SRRM2: variants seen among roughly 807,000 people sequenced by gnomAD.
SRRM2 encodes serine/arginine repetitive matrix protein 2.
SRRM2 carries 30 observed loss-of-function variants against 213.8 expected under a neutral mutation model. That is an observed-to-expected ratio of 0.14 (90% CI 0.10 to 0.19). SRRM2 has a LOEUF of 0.19. Among genes scored for constraint, SRRM2 ranks in the 10% least tolerant of loss-of-function variants. The pLI, the probability that SRRM2 is intolerant of heterozygous loss-of-function variation, is 1.00. For missense variants in SRRM2, 4,904 were observed against 3,647.0 expected (o/e 1.34, Z -8.88); for synonymous variants, 2,025 against 1,377.7 (o/e 1.47, Z -10.40).
In SRRM2 at chr16:2,770,693, G is replaced by C. The variant is rs768373304; in HGVS notation, c.8225G>C (p.Arg2742Pro). The change falls in exon 14 of 15, where the codon CGG becomes CCG. Residue 2742 changes from arginine (R) to proline (P), a missense_variant. Transcript: ENST00000301740. ...HKRRRETPSP[R>P]PMRHRSSRSP Reference sequence around the variant, plus strand: ...CGCAGGAGGGAGACACCTAGCCCTCGGCCCATGAGACACCGCTCCTCCAGG... The same window carrying C: ...CGCAGGAGGGAGACACCTAGCCCTCCGCCCATGAGACACCGCTCCTCCAGG... 5.8e-6 allele frequency: 9 copies of C among 1,558,088 alleles called. No individual in the cohort carries two copies. Among genetic ancestry groups the C allele is most frequent in the Non-Finnish European group, 7.8e-6 (9 of 1,149,786 alleles).
rs1324064537 is a variant in SRRM2 at position 2,764,919 on chromosome 16, C to T, written c.4391C>T (p.Pro1464Leu). 2 of 1,614,170 alleles carry T rather than the reference C, an allele frequency of 1.2e-6. No individual in the cohort carries two copies. The highest frequency in any genetic ancestry group is 4.5e-5 in the East Asian group (2 of 44,884). Reference protein sequence around the residue: ...PSRHSLSGSSPGMKDIPRTPS... With the variant: ...PSRHSLSGSSLGMKDIPRTPS... The stretch of plus-strand genomic sequence containing the variant: ...AGGCACAGCCTGTCTGGGTCCTCTC[C>T]TGGAATGAAAGATATACCTAGAACG... The change falls in exon 11 of 15, where the codon CCT (proline) becomes CTT (leucine). Residue 1464 changes from proline (P) to leucine (L), a missense_variant. Transcript: ENST00000301740.
rs1213725896 is a variant in SRRM2, at chr16:2,764,416, A to G, written c.3888A>G (p.Val1296=). 4 of 1,613,332 alleles carry G rather than the reference A, an allele frequency of 2.5e-6. No homozygotes were observed. The highest frequency in any genetic ancestry group is 2.2e-5 in the East Asian group (1 of 44,890). Reference sequence around the variant, plus strand: ...AGTCACAGGCTTCTTTGGAAGCAGTAGAAGTCCCTTCAATGGCCTCATCTT... The same window carrying G: ...AGTCACAGGCTTCTTTGGAAGCAGTGGAAGTCCCTTCAATGGCCTCATCTT... The part of the protein sequence containing the change: ...QSQSQASLEA[V]EVPSMASSWG... The change falls in exon 11 of 15, where the codon GTA becomes GTG. Residue 1296 remains valine, a synonymous_variant. Coordinates refer to ENST00000301740, the MANE Select transcript of SRRM2 (RefSeq NM_016333.4).
At chr16:2,754,897 A>G (rs1056407198) in intron 1 of SRRM2, among the ~76,000 whole-genome samples, 1 of 152,194 alleles carries the variant, frequency 6.6e-6, no homozygotes, top group South Asian at 2.1e-4. Flanking sequence ...TCTGCTTTCA[A>G]TATTGGGTCT....
rs755886943 is a variant in SRRM2 at position 2,766,981 on chromosome 16, A to G, written c.6453A>G (p.Gln2151=). 1 of 1,614,084 alleles carries G rather than the reference A, an allele frequency of 6.2e-7. No homozygotes were observed. The highest frequency in any genetic ancestry group is 8.5e-7 in the Non-Finnish European group (1 of 1,180,016). Residue 2151 remains glutamine, a synonymous_variant, in exon 11 of 15, where the codon CAA becomes CAG. Coordinates refer to ENST00000301740, the MANE Select transcript of SRRM2 (RefSeq NM_016333.4). The surrounding 1 kb of genome is among the most constrained non-coding windows in gnomAD (Gnocchi z 7.0). ...SSRTPMSVLQ[Q]AGGSMMDGPG... ...GAACACCCATGTCTGTCCTGCAGCA[A>G]GCCGGCGGCTCCATGATGGATGGTC...
At chr16:2,757,659 G>T (rs2068193769) in intron 3 of SRRM2, 80 bp downstream of exon 3, 3 of 1,579,400 alleles carry the variant, frequency 1.9e-6, no homozygotes, top group Middle Eastern at 3.4e-4. Flanking sequence ...TCCTTACGTG[G>T]GACTTCCTCC....
At chr16:2,770,309 C>T (rs1043824866) in intron 12 of SRRM2, 43 bp from the exon 13 acceptor site, 1 of 1,526,210 alleles carries the variant, frequency 6.6e-7, no homozygotes, top group African/African-American at 1.4e-5. Flanking sequence ...GGCCCGTGTG[C>T]TTGAAAGGGT....
chr16:2,769,355 G>T (rs576321311), intron 12 of SRRM2, 71 bp downstream of exon 12: 8 of 1,496,982 alleles, frequency 5.3e-6, no homozygotes, highest in Admixed American at 2.3e-5. Context: ...GCCCTGGGGT[G>T]TGAGCTCCCC....
In SRRM2 at chr16:2,761,791, C is replaced by T. The variant is rs778398849; in HGVS notation, c.1263C>T (p.Ser421=). ...CCCAGTCTTCTTCCTCAGAGAGCAG[C>T]CCACCATCCCCTCAACCTACCAAAG... The part of the protein sequence containing the change: ...KLPQSSSSES[S]PPSPQPTKVS... Residue 421 remains serine, a synonymous_variant, in exon 11 of 15, where the codon AGC becomes AGT. Coordinates refer to ENST00000301740, the MANE Select transcript of SRRM2 (RefSeq NM_016333.4). 2.4e-5 allele frequency: 39 copies of T among 1,614,008 alleles called. No homozygotes were observed. Among genetic ancestry groups the T allele is most frequent in the Non-Finnish European group, 3.3e-5 (39 of 1,179,976 alleles).
intron 1 of SRRM2, among the ~76,000 whole-genome samples, chr16:2,754,467 T>C (rs2068071110): frequency 6.6e-6 from 1 of 152,134 alleles, no homozygotes; most frequent in Non-Finnish European, 1.5e-5. Context: ...AATTTTTGTA[T>C]TTTTGGTAGA....
chr16:2,761,712 C>T lies in SRRM2; in HGVS notation c.1184C>T (p.Ser395Phe). The T allele has an allele frequency of 6.2e-7, 1 of 1,606,840 alleles. No homozygotes were observed. The highest frequency in any genetic ancestry group is 1.1e-5 in the South Asian group (1 of 89,984). ...AGCCAGGAGCCAGTGAACCCCCCAT[C>T]TGAGGCCTCTCCAACTCGGGACCGT... ...PLSQEPVNPP[S>F]EASPTRDRSP... is the part of the protein sequence containing the mutation. The change falls in exon 11 of 15, where the codon TCT (serine) becomes TTT (phenylalanine). Residue 395 changes from serine (S) to phenylalanine (F), a missense_variant. Ser to Phe is a radical substitution (Grantham distance 155, BLOSUM62 -2). Transcript: ENST00000301740.
In SRRM2 at chr16:2,760,348, G is replaced by C. The variant is rs1439128266; in HGVS notation, c.881G>C (p.Arg294Pro). The C allele has an allele frequency of 6.2e-7, 1 of 1,614,024 alleles. No homozygotes were observed. Among genetic ancestry groups the C allele is most frequent in the South Asian group, 1.1e-5 (1 of 91,064 alleles). Residue 294 changes from arginine to proline, a missense_variant, in exon 10 of 15, where the codon CGA (arginine) becomes CCA (proline). Arg to Pro is a moderately radical substitution (Grantham distance 103). Coordinates refer to ENST00000301740, the MANE Select transcript of SRRM2 (RefSeq NM_016333.4). ...ACTCATACAACTGCCTTGGCTGGGCGAAGTCCTTCCCCTGCTTCAGGGCGA... is the reference window on the plus strand; with the variant it reads ...ACTCATACAACTGCCTTGGCTGGGCCAAGTCCTTCCCCTGCTTCAGGGCGA... ...AKTHTTALAG[R>P]SPSPASGRRG...
intron 11 of SRRM2, 151 bp from the exon 12 acceptor site, chr16:2,768,846 C>A (rs1469980874): frequency 1.3e-6 from 2 of 1,495,404 alleles, no homozygotes; most frequent in South Asian, 2.4e-5. Flanking sequence ...CGCACCACTG[C>A]TCTCCAGAGA....
At chr16:2,754,178 C>T (rs1356046615) in intron 1 of SRRM2, among the ~76,000 whole-genome samples, 4 of 152,148 alleles carry the variant, frequency 2.6e-5, no homozygotes, top group Non-Finnish European at 5.9e-5. Context: ...TTAACACACC[C>T]CTTAGATGCC....
rs1221983737 is a variant in SRRM2 at position 2,766,941 on chromosome 16, C to A, written c.6413C>A (p.Pro2138His). 6.2e-7 allele frequency: 1 copy of A among 1,614,016 alleles called. No homozygotes were observed. Among genetic ancestry groups the A allele is most frequent in the Non-Finnish European group, 8.5e-7 (1 of 1,180,032 alleles). Reference protein sequence around the residue: ...DRCRSPGMLEPLGSSRTPMSV... With the variant: ...DRCRSPGMLEHLGSSRTPMSV... Reference sequence around the variant, plus strand: ...TGCAGATCACCTGGAATGCTTGAACCCCTTGGCAGCTCTAGAACACCCATG... The same window carrying A: ...TGCAGATCACCTGGAATGCTTGAACACCTTGGCAGCTCTAGAACACCCATG... Residue 2138 changes from proline (P) to histidine (H), a missense_variant, in exon 11 of 15, where the codon CCC (proline) becomes CAC (histidine). Pro to His is a moderately conservative substitution (Grantham distance 77). Transcript: ENST00000301740. This position sits in a 1 kb window ranked among gnomAD's most constrained non-coding sequence, Gnocchi z 7.0.
In SRRM2 at chr16:2,763,780, A is replaced by G. The variant is rs2068446437; in HGVS notation, c.3252A>G (p.Pro1084=). The change falls in exon 11 of 15, where the codon CCA becomes CCG. Residue 1084 remains proline (P), a synonymous_variant. Coordinates refer to ENST00000301740, the MANE Select transcript of SRRM2 (RefSeq NM_016333.4). ...PEVRQSHSES[P]SLQSKSQTSP... ...TGAGACAGAGTCATTCAGAATCACC[A>G]TCTCTGCAGAGCAAATCTCAAACAT... The G allele has an allele frequency of 2.5e-6, 4 of 1,614,196 alleles. No homozygotes were observed. In the South Asian group the frequency reaches 4.4e-5, roughly 18 times the overall value.
At position 2,756,427 on chromosome 16, in the gene SRRM2, C is replaced by CAA; in HGVS notation, c.64_65dup (p.Asn22LysfsTer30). Reference sequence around the variant, plus strand: ...GCGGCACCAACGGCTACGTCCAGCGCAACCTGTCCCTGGTGCGGGGCCGCC... The same window carrying CAA: ...GCGGCACCAACGGCTACGTCCAGCGCAAAACCTGTCCCTGGTGCGGGGCCGCC... On this transcript the variant is annotated frameshift_variant, in exon 2 of 15. Coordinates refer to ENST00000301740, the MANE Select transcript of SRRM2 (RefSeq NM_016333.4). LOFTEE classifies it high-confidence loss of function. 6.2e-7 allele frequency: 1 copy of CAA among 1,612,108 alleles called. No individual in the cohort carries two copies. The highest frequency in any genetic ancestry group is 1.3e-5 in the African/African-American group (1 of 75,012).
rs377144401 is a variant in SRRM2 at position 2,768,166 on chromosome 16, A to T, written c.7638A>T (p.Ser2546=). The change falls in exon 11 of 15, where the codon TCA becomes TCT. Residue 2546 remains serine (S), a synonymous_variant. Coordinates refer to ENST00000301740, the MANE Select transcript of SRRM2 (RefSeq NM_016333.4). Reference sequence around the variant, plus strand: ...CGTCCTCTAGCTCCTCCTCTTCTTCATCATCGTCGTCGTCGTCCTCCTCCT... The same window carrying T: ...CGTCCTCTAGCTCCTCCTCTTCTTCTTCATCGTCGTCGTCGTCCTCCTCCT... ...SSSSSSSSSS[S]SSSSSSSSSS... is the part of the protein sequence containing the mutation. The T allele has an allele frequency of 2.9e-5, 46 of 1,609,484 alleles. No individual in the cohort carries two copies. The highest frequency in any genetic ancestry group is 1.0e-4 in the Admixed American group (6 of 59,714).
rs1410768139 is a variant in SRRM2, at chr16:2,759,391, A to C, written c.729A>C (p.Lys243Asn). The C allele has an allele frequency of 6.3e-7, 1 of 1,593,710 alleles. No homozygotes were observed. The highest frequency in any genetic ancestry group is 8.5e-7 in the Non-Finnish European group (1 of 1,173,704). The change falls in exon 8 of 15, where the codon AAA becomes AAC. Residue 243 changes from lysine to asparagine, a missense_variant. Physicochemically the swap from Lys to Asn is moderately conservative, Grantham distance 94. Coordinates refer to ENST00000301740, the MANE Select transcript of SRRM2 (RefSeq NM_016333.4). Reference protein sequence around the residue: ...TPKSKRKSKDKKRKRSRSTTP... With the variant: ...TPKSKRKSKDNKRKRSRSTTP... ...AGAGCAAACGTAAATCTAAGGACAA[A>C]AAGCGAAAGCGGTGAGTGAATTTGT...
Position 2,757,782 on chromosome 16 carries a change from G to A in SRRM2, c.352G>A (p.Val118Ile). 1 of 1,613,812 alleles carries A rather than the reference G, an allele frequency of 6.2e-7. No homozygotes were observed. Among genetic ancestry groups the A allele is most frequent in the Non-Finnish European group, 8.5e-7 (1 of 1,179,918 alleles). Residue 118 changes from valine (V) to isoleucine (I), a missense_variant and splice_region_variant, in exon 4 of 15, where the codon GTC becomes ATC. By Grantham distance (29) the Val-to-Ile change is conservative (BLOSUM62 3). Transcript: ENST00000301740. ...GACTTTTGCCCTTCTTTTCTCTAGG[G>A]TCACGGAGACTCACCAGTTGGCAGA... ...KEETPGQRPA[V>I]TETHQLAELN...
Sources: gnomAD v4.1 joint callset for allele counts (sites outside exome capture counted in the v4.1 genomes callset) on GRCh38, gnomAD v4.1.1 for gene constraint, Gnocchi (gnomAD v3.1) non-coding constraint, MANE v1.5 for transcripts, NCBI Gene and HGNC (gene_info 2026-07-23, HGNC 2026-07-21) for gene names.